MACROD2: variants seen among roughly 807,000 people sequenced by gnomAD.
MACROD2 encodes the protein mono-ADP ribosylhydrolase 2.
Under a neutral mutation model 70.4 loss-of-function variants are expected in MACROD2, and 36 were observed. That is an observed-to-expected ratio of 0.51 (90% CI 0.39 to 0.68). MACROD2 has a LOEUF of 0.68. Among genes scored for constraint, MACROD2 ranks in the 30% least tolerant of loss-of-function variants. MACROD2 has a pLI of 0.00. For synonymous variants in MACROD2, 172 were observed against 178.8 expected, an observed-to-expected ratio of 0.96 and a Z score of 0.30; for missense variants, 496 against 538.4, an observed-to-expected ratio of 0.92 and a Z score of 0.78.
Position 14,800,456 on chromosome 20 carries a change from G to T in MACROD2, c.418+115497G>T, listed in dbSNP as rs1419052583. ...CCAGATTTTATGGGTGAAAATCATT[G>T]CCTACCAAAGGTTATTTCTGTCATT... On this transcript the variant is annotated intron_variant, in intron 5 of 17. Transcript: ENST00000684519. 2.6e-5 allele frequency among the ~76,000 whole-genome samples: 4 copies of T among 152,050 alleles called. No homozygotes were observed. The East Asian group carries it at 7.7e-4, about 29-fold the overall frequency.
intron 3 of MACROD2, chr20:14,325,210 C>G (rs1027048256): frequency 2.9e-5 from 5 of 172,702 alleles, no homozygotes; most frequent in African/African-American, 9.6e-5. Flanking sequence ...TTGTTCGACA[C>G]AGCAAGAAAA....
chr20:14,576,348 G>A (rs899563004), intron 4 of MACROD2, among the ~76,000 whole-genome samples: 4 of 152,160 alleles, frequency 2.6e-5, no homozygotes, highest in African/African-American at 9.7e-5. Context: ...GAACCACAAA[G>A]CCCTGCTGCC....
chr20:15,123,872 A>T lies in MACROD2; in HGVS notation c.419-106068A>T, dbSNP rs192700304. Reference sequence around the variant, plus strand: ...CACATACAAATGTATATGTGTGTGCACTGGCACTCACACATGCGATAAAAA... The same window carrying T: ...CACATACAAATGTATATGTGTGTGCTCTGGCACTCACACATGCGATAAAAA... On this transcript the variant is annotated intron_variant, in intron 5 of 17. Transcript: ENST00000684519. Among the ~76,000 whole-genome samples the T allele has an allele frequency of 4.6e-5, 7 of 152,304 alleles. No homozygotes were observed. In the East Asian group the frequency reaches 1.2e-3, roughly 25 times the overall value.
At chr20:15,924,633 A>G (rs1450187195) in intron 10 of MACROD2, among the ~76,000 whole-genome samples, 2 of 152,176 alleles carry the variant, frequency 1.3e-5, no homozygotes, top group African/African-American at 4.8e-5. Flanking sequence ...TGTCTTCTGA[A>G]TAGCCTAATT....
chr20:15,649,774 GA>G (rs1381645899), intron 8 of MACROD2, among the ~76,000 whole-genome samples: 3 of 152,004 alleles, frequency 2.0e-5, no homozygotes, highest in East Asian at 1.9e-4. Flanking sequence ...TATAGGCTTG[GA>G]AAAAAATCTG....
chr20:14,741,563 A>G (rs2071732485), intron 5 of MACROD2, among the ~76,000 whole-genome samples: 1 of 152,168 alleles, frequency 6.6e-6, no homozygotes, highest in Non-Finnish European at 1.5e-5. Context: ...TCATTCTACT[A>G]TATACAATCC....
chr20:15,241,294 T>G (rs542094683), intron 6 of MACROD2, among the ~76,000 whole-genome samples: 1 of 152,218 alleles, frequency 6.6e-6, no homozygotes, highest in Non-Finnish European at 1.5e-5. Flanking sequence ...ACTTGAGATA[T>G]AGCTGCCCTT....
intron 3 of MACROD2, among the ~76,000 whole-genome samples, chr20:14,171,827 G>A (rs1477382284): frequency 6.6e-6 from 1 of 152,134 alleles, no homozygotes; most frequent in Non-Finnish European, 1.5e-5. Context: ...TGGGTAGAAT[G>A]TTCAGTAAAT....
chr20:14,698,683 T>C (rs942915803), intron 5 of MACROD2, among the ~76,000 whole-genome samples: 5 of 151,734 alleles, frequency 3.3e-5, no homozygotes, highest in Non-Finnish European at 7.4e-5. Flanking sequence ...ATCTCCATAT[T>C]CTAGGAACAT....
intron 5 of MACROD2, among the ~76,000 whole-genome samples, chr20:14,824,176 T>C (rs903802089): frequency 1.3e-5 from 2 of 152,130 alleles, no homozygotes; most frequent in African/African-American, 4.8e-5. Flanking sequence ...ATTTGACCAA[T>C]TGTTTTTGTC....
intron 5 of MACROD2, among the ~76,000 whole-genome samples, chr20:14,689,891 G>C (rs2071042813): frequency 6.6e-6 from 1 of 152,130 alleles, no homozygotes. Flanking sequence ...ATTAGTTATT[G>C]AAAGTGTCAA....
intron 4 of MACROD2, among the ~76,000 whole-genome samples, chr20:14,650,750 T>TA (rs1307945354): frequency 6.6e-6 from 1 of 152,186 alleles, no homozygotes; most frequent in Non-Finnish European, 1.5e-5. Context: ...TTCCATTGTT[T>TA]AAAAAACATT....
chr20:15,344,234 G>A (rs962482897), intron 6 of MACROD2, among the ~76,000 whole-genome samples: 11 of 152,000 alleles, frequency 7.2e-5, no homozygotes, highest in African/African-American at 2.4e-4. Context: ...CTACTTTGGA[G>A]GCTCTTCTCT....
At chr20:15,675,179 G>A (rs767170878) in intron 8 of MACROD2, among the ~76,000 whole-genome samples, 3 of 152,178 alleles carry the variant, frequency 2.0e-5, no homozygotes, top group Non-Finnish European at 4.4e-5. Flanking sequence ...AGTCCATGAA[G>A]TTTTTGCCAA....
chr20:15,227,772 A>G (rs1478828227), intron 5 of MACROD2, among the ~76,000 whole-genome samples: 1 of 144,448 alleles, frequency 6.9e-6, no homozygotes, highest in Non-Finnish European at 1.5e-5. Flanking sequence ...GGCATTTTAA[A>G]TGCCCACTGA....
At chr20:15,678,042 C>T (rs747914602) in intron 8 of MACROD2, among the ~76,000 whole-genome samples, 3 of 148,324 alleles carry the variant, frequency 2.0e-5, no homozygotes, top group Non-Finnish European at 3.0e-5. Context: ...TCCAGCCTGG[C>T]AACAGAACCA....
At chr20:14,606,268 A>G (rs1306581664) in intron 4 of MACROD2, among the ~76,000 whole-genome samples, 1 of 152,174 alleles carries the variant, frequency 6.6e-6, no homozygotes, top group African/African-American at 2.4e-5. Flanking sequence ...CTGTTATTGT[A>G]TGAGTGACCT....
At chr20:15,851,985 C>G (rs925671384) in intron 8 of MACROD2, among the ~76,000 whole-genome samples, 2 of 152,136 alleles carry the variant, frequency 1.3e-5, no homozygotes, top group Non-Finnish European at 2.9e-5. Context: ...CTGGCATTTC[C>G]CCTCAGTCTC....
intron 6 of MACROD2, among the ~76,000 whole-genome samples, chr20:15,257,560 TG>T (rs1260858788): frequency 6.6e-6 from 1 of 152,060 alleles, no homozygotes; most frequent in Non-Finnish European, 1.5e-5. Flanking sequence ...TGGTTAATAT[TG>T]ATGGTCCCAT....
Sources: allele counts gnomAD v4.1 joint callset (sites outside exome capture counted in the v4.1 genomes callset), GRCh38; gene constraint gnomAD v4.1.1; transcripts MANE v1.5; gene names NCBI Gene and HGNC (gene_info 2026-07-23, HGNC 2026-07-21).